The following PCDHA12 variants were observed in gnomAD, a reference collection of about 807,000 sequenced individuals.
The protein encoded by PCDHA12 is protocadherin alpha-12.
In PCDHA12, 44 loss-of-function variants were observed where a neutral mutation model predicts 60.0. The observed-to-expected ratio is 0.73, with a 90% CI of 0.58 to 0.94. The LOEUF (loss-of-function observed/expected upper bound fraction) is 0.94. PCDHA12 is among the 40% of genes least tolerant of loss of function. The pLI, the probability that PCDHA12 is intolerant of heterozygous loss-of-function variation, is 0.00. For synonymous variants in PCDHA12, 569 were observed against 553.0 expected, an observed-to-expected ratio of 1.03 and a Z score of -0.40; for missense variants, 1,276 against 1,239.7, an observed-to-expected ratio of 1.03 and a Z score of -0.44.
At chr5:140,984,824 C>A (rs920985683) in intron 3 of PCDHA12, among the ~76,000 whole-genome samples, 1 of 152,098 alleles carries the variant, frequency 6.6e-6, no homozygotes, top group Non-Finnish European at 1.5e-5. Context: ...TCTTAATTAC[C>A]CTTTCTGTAA....
At chr5:140,923,266 T>C (rs184590818) in intron 1 of PCDHA12, among the ~76,000 whole-genome samples, 1 of 152,284 alleles carries the variant, frequency 6.6e-6, no homozygotes, top group African/African-American at 2.4e-5. Context: ...TAGTGAGACC[T>C]TGTCTCTACA....
intron 1 of PCDHA12, among the ~76,000 whole-genome samples, chr5:140,881,594 A>C (rs1464236535): frequency 6.6e-6 from 1 of 152,244 alleles, no homozygotes; most frequent in Non-Finnish European, 1.5e-5. Flanking sequence ...AGGGAAATTT[A>C]TTAATATGAT....
At chr5:140,967,894 G>A (rs1586251835) in intron 1 of PCDHA12, 5 of 1,614,192 alleles carry the variant, frequency 3.1e-6, no homozygotes, top group Non-Finnish European at 3.4e-6. Context: ...CAGTGCCTGA[G>A]AATGCTACAC....
chr5:140,975,588 A>G (rs2096673583), intron 1 of PCDHA12, among the ~76,000 whole-genome samples: 1 of 152,210 alleles, frequency 6.6e-6, no homozygotes, highest in South Asian at 2.1e-4. Context: ...CATGTCCCAG[A>G]GGGCAATTTG....
chr5:140,888,059 T>C (rs1562834280), intron 1 of PCDHA12, among the ~76,000 whole-genome samples: 1 of 152,232 alleles, frequency 6.6e-6, no homozygotes, highest in African/African-American at 2.4e-5. Context: ...TGTTTTAACT[T>C]TCTTGTCTGC....
intron 1 of PCDHA12, among the ~76,000 whole-genome samples, chr5:140,954,516 G>C (rs782233597): frequency 3.3e-5 from 5 of 152,172 alleles, no homozygotes; most frequent in Admixed American, 6.5e-5. Flanking sequence ...TTTACCTAAT[G>C]ATCAGTGATG....
intron 1 of PCDHA12, among the ~76,000 whole-genome samples, chr5:140,904,491 T>G (rs2071172626): frequency 6.6e-6 from 1 of 151,972 alleles, no homozygotes; most frequent in Non-Finnish European, 1.5e-5. Context: ...TGATTCCAAA[T>G]TTTTACAATT....
chr5:140,890,350 T>C (rs1199144948), intron 1 of PCDHA12, among the ~76,000 whole-genome samples: 1 of 152,186 alleles, frequency 6.6e-6, no homozygotes, highest in Non-Finnish European at 1.5e-5. Flanking sequence ...GTTTACTATA[T>C]AGCAATGGAT....
chr5:140,920,692 A>G (rs552577858), intron 1 of PCDHA12, among the ~76,000 whole-genome samples: 2 of 152,232 alleles, frequency 1.3e-5, no homozygotes, highest in Non-Finnish European at 2.9e-5. Flanking sequence ...AAAAATACAA[A>G]CATTAGCTTG....
At chr5:140,897,712 G>A (rs1180745180) in intron 1 of PCDHA12, among the ~76,000 whole-genome samples, 3 of 152,162 alleles carry the variant, frequency 2.0e-5, no homozygotes, top group African/African-American at 7.2e-5. Context: ...CCAGTAATGG[G>A]ATGGCTGGGT....
intron 1 of PCDHA12, chr5:140,968,976 A>G (rs1410286561): frequency 2.5e-6 from 4 of 1,614,074 alleles, no homozygotes; most frequent in African/African-American, 1.3e-5. Flanking sequence ...TACACTGCGT[A>G]TGGCACTGCA....
chr5:140,950,741 C>G (rs149114023), intron 1 of PCDHA12, among the ~76,000 whole-genome samples: 2,002 of 152,118 alleles, frequency 0.013, 30 homozygotes, highest in South Asian at 0.028. Context: ...ATCCTAATTT[C>G]TCTCTATCCT....
chr5:140,883,080 A>G, intron 1 of PCDHA12: 1 of 1,614,140 alleles, frequency 6.2e-7, no homozygotes, highest in Non-Finnish European at 8.5e-7. Flanking sequence ...GATCCTGATG[A>G]TGGTACAAAT....
rs1554205708 is a variant in PCDHA12 at position 140,928,289 on chromosome 5, G to A, written c.2367+50450G>A. 3.1e-6 allele frequency: 5 copies of A among 1,614,170 alleles called. No individual in the cohort carries two copies. In the East Asian group the frequency reaches 6.7e-5, roughly 22 times the overall value. ...AATGGCCCTGGGGCCTCTCTAGGCC[G>A]AGTGTTTGCCCAGGACCCCGACCTG... is the stretch of plus-strand genomic sequence containing the variant. On this transcript the variant is annotated intron_variant, in intron 1 of 3. Coordinates refer to ENST00000398631, the MANE Select transcript of PCDHA12 (RefSeq NM_018903.4).
intron 1 of PCDHA12, chr5:140,883,301 G>C (rs1380648584): frequency 1.2e-6 from 2 of 1,613,968 alleles, no homozygotes; most frequent in African/African-American, 1.3e-5. Flanking sequence ...AGATGTAAAT[G>C]ATAACGCCCC....
At chr5:141,005,953 A>G (rs1036085493) in intron 3 of PCDHA12, among the ~76,000 whole-genome samples, 1 of 152,052 alleles carries the variant, frequency 6.6e-6, no homozygotes, top group Non-Finnish European at 1.5e-5. Context: ...TCTCTAACAA[A>G]CAACAATAAA....
chr5:140,927,440 C>G (rs782460713), intron 1 of PCDHA12: 2 of 1,614,168 alleles, frequency 1.2e-6, no homozygotes, highest in East Asian at 4.5e-5. Flanking sequence ...AGCGAATACC[C>G]GGAGTTGGTG....
chr5:140,927,203 C>G (rs782141467), intron 1 of PCDHA12: 1 of 1,614,104 alleles, frequency 6.2e-7, no homozygotes, highest in Admixed American at 1.7e-5. Context: ...CTCGAGGACC[C>G]GCTGGAGCTG....
At chr5:140,916,628 C>T (rs1311862991) in intron 1 of PCDHA12, among the ~76,000 whole-genome samples, 1 of 152,188 alleles carries the variant, frequency 6.6e-6, no homozygotes, top group Non-Finnish European at 1.5e-5. Context: ...ACTCAATGCC[C>T]TATCCTACTG....
Sources: gnomAD v4.1 joint callset for allele counts (sites outside exome capture counted in the v4.1 genomes callset) on GRCh38, gnomAD v4.1.1 for gene constraint, MANE v1.5 for transcripts, NCBI Gene and HGNC (gene_info 2026-07-23, HGNC 2026-07-21) for gene names.